SEZ6L: variants seen among roughly 807,000 people sequenced by gnomAD.
The protein encoded by SEZ6L is seizure 6-like protein.
SEZ6L carries 37 observed loss-of-function variants against 106.2 expected under a neutral mutation model. The ratio of observed to expected loss-of-function variants is 0.35; its 90% CI spans 0.27 to 0.46. The LOEUF is 0.46. Among genes scored for constraint, SEZ6L ranks in the 20% least tolerant of loss-of-function variants. SEZ6L has a pLI of 1.00. For synonymous variants in SEZ6L, 541 were observed against 570.4 expected, an observed-to-expected ratio of 0.95 and a Z score of 0.73; for missense variants, 1,172 against 1,332.8, an observed-to-expected ratio of 0.88 and a Z score of 1.88.
At chr22:26,363,786 G>A (rs1158175050) in intron 12 of SEZ6L, among the ~76,000 whole-genome samples, 2 of 152,186 alleles carry the variant, frequency 1.3e-5, no homozygotes, top group East Asian at 3.9e-4. Context: ...ATGGATGAAC[G>A]AAAAACAAAG....
At chr22:26,331,433 T>C (rs2082477479) in intron 9 of SEZ6L, among the ~76,000 whole-genome samples, 1 of 152,196 alleles carries the variant, frequency 6.6e-6, no homozygotes, top group African/African-American at 2.4e-5. Context: ...AACAGCCCCC[T>C]CTCTGGCTCT....
chr22:26,196,411 A>G (rs974144232), intron 1 of SEZ6L, among the ~76,000 whole-genome samples: 2 of 152,228 alleles, frequency 1.3e-5, no homozygotes, highest in Non-Finnish European at 2.9e-5. Context: ...ACGCCCTAAT[A>G]CAATGATCTC....
At chr22:26,324,103 A>ACACACACAAAC (rs1569463232) in intron 9 of SEZ6L, among the ~76,000 whole-genome samples, 1 of 83,304 alleles carries the variant, frequency 1.2e-5, no homozygotes, top group Non-Finnish European at 2.4e-5. Flanking sequence ...CACACACACA[A>ACACACACAAAC]ACACACACAC....
chr22:26,248,658 G>A (rs9625002), intron 1 of SEZ6L, among the ~76,000 whole-genome samples: 2,222 of 152,306 alleles, frequency 0.015, 53 homozygotes, highest in African/African-American at 0.051. Context: ...CTCATGCATC[G>A]AAGATCCTCT....
intron 1 of SEZ6L, among the ~76,000 whole-genome samples, chr22:26,250,815 G>A (rs1486952532): frequency 6.6e-6 from 1 of 151,826 alleles, no homozygotes. Flanking sequence ...CTATTTTTTT[G>A]TGTCCTCTTC....
intron 1 of SEZ6L, among the ~76,000 whole-genome samples, chr22:26,277,436 C>T (rs1321445648): frequency 1.3e-5 from 2 of 152,142 alleles, no homozygotes; most frequent in Non-Finnish European, 2.9e-5. Context: ...TCTGTACGAC[C>T]GTGGCATATG....
At chr22:26,348,426 C>T (rs965011932) in intron 11 of SEZ6L, among the ~76,000 whole-genome samples, 4 of 147,998 alleles carry the variant, frequency 2.7e-5, no homozygotes, top group South Asian at 4.3e-4. Context: ...ATTGCTGGAA[C>T]GCAGGTGTTT....
chr22:26,357,241 G>A lies in SEZ6L; in HGVS notation c.2599+5998G>A, dbSNP rs542734730. ...ATTACAGCCATGCGCCACTGTGCCC[G>A]GCCCTCAGAACTTTTTTTAAAAATC... On this transcript the variant is annotated intron_variant, in intron 12 of 16. Coordinates refer to ENST00000248933, the MANE Select transcript of SEZ6L (RefSeq NM_021115.5). 1.6e-4 allele frequency among the ~76,000 whole-genome samples: 24 copies of A among 152,182 alleles called. No individual in the cohort carries two copies. The East Asian group carries it at 3.9e-3, about 25-fold the overall frequency.
intron 1 of SEZ6L, among the ~76,000 whole-genome samples, chr22:26,252,957 C>G (rs1417177136): frequency 6.6e-6 from 1 of 152,106 alleles, no homozygotes; most frequent in East Asian, 1.9e-4. Flanking sequence ...ATTGCTAGGT[C>G]GAATTGTAGT....
At chr22:26,306,202 C>A (rs2081627120) in intron 6 of SEZ6L, 58 bp downstream of exon 6, 9 of 1,571,976 alleles carry the variant, frequency 5.7e-6, no homozygotes, top group Non-Finnish European at 7.8e-6. Context: ...TAGAACATGG[C>A]TTGAGGACTT....
At position 26,374,298 on chromosome 22, in the gene SEZ6L, GT is replaced by G. The variant is rs2084143851; in HGVS notation, c.2827+820del. 2.0e-5 allele frequency among the ~76,000 whole-genome samples: 3 copies of G among 149,290 alleles called. No individual in the cohort carries two copies. The South Asian group carries it at 6.3e-4, about 31-fold the overall frequency. On this transcript the variant is annotated intron_variant, in intron 14 of 16. Coordinates refer to ENST00000248933, the MANE Select transcript of SEZ6L (RefSeq NM_021115.5). ...TTTAATGTTTTTACCAAATCAAGCA[GT>G]TTTTATTATTCCTGGAGCCATCTTT...
Position 26,361,520 on chromosome 22 carries a change from AATAT to A in SEZ6L, c.2600-3837_2600-3834del, listed in dbSNP as rs71734405. Among the ~76,000 whole-genome samples the A allele has an allele frequency of 5.5e-3, 687 of 124,206 alleles. 17 individuals carry two copies. Among genetic ancestry groups the A allele is most frequent in the Admixed American group, 0.014 (164 of 11,892 alleles). 81.5% of individuals were successfully genotyped at this position (124,206 alleles called of 152,430 possible). ...AGACTCTGTCTCAAAAAAAAAAAAA[AATAT>A]ATATATATATATATGTATTAAGTGA... On this transcript the variant is annotated intron_variant, in intron 12 of 16. Transcript: ENST00000248933.
intron 1 of SEZ6L, among the ~76,000 whole-genome samples, chr22:26,243,178 G>A (rs1478614355): frequency 6.6e-6 from 1 of 152,168 alleles, no homozygotes; most frequent in Non-Finnish European, 1.5e-5. Flanking sequence ...GATTATATCT[G>A]CAATGACTCA....
chr22:26,313,365 G>A (rs181513491), intron 8 of SEZ6L, among the ~76,000 whole-genome samples: 2 of 152,266 alleles, frequency 1.3e-5, no homozygotes, highest in Non-Finnish European at 2.9e-5. Flanking sequence ...TAGCAGCAGA[G>A]GCAAGATTGG....
intron 1 of SEZ6L, among the ~76,000 whole-genome samples, chr22:26,202,075 G>A (rs1363127239): frequency 2.6e-5 from 4 of 151,976 alleles, no homozygotes; most frequent in East Asian, 1.9e-4. Context: ...CATCACGCCC[G>A]GCTAATTTTT....
intron 12 of SEZ6L, among the ~76,000 whole-genome samples, chr22:26,361,148 GCTAAATTATACTGTGCAAT>G (rs976394860): frequency 2.6e-5 from 4 of 152,112 alleles, no homozygotes; most frequent in African/African-American, 9.6e-5. Context: ...TTAGAGTGAG[GCTAAATTATACTGTGCAAT>G]CTAAATAGAA....
chr22:26,322,675 A>T (rs3788382), intron 9 of SEZ6L, among the ~76,000 whole-genome samples: 22,778 of 152,184 alleles, frequency 0.15, 1,918 homozygotes, highest in South Asian at 0.2. Context: ...GAATGCTCTG[A>T]ATCACAGCAT....
chr22:26,288,316 A>G (rs1000080194), intron 1 of SEZ6L, among the ~76,000 whole-genome samples: 1 of 152,228 alleles, frequency 6.6e-6, no homozygotes, highest in Non-Finnish European at 1.5e-5. Flanking sequence ...AAAAGTCACC[A>G]GAGGAGTTTT....
intron 1 of SEZ6L, among the ~76,000 whole-genome samples, chr22:26,192,914 C>T (rs1940331254): frequency 6.6e-6 from 1 of 152,186 alleles, no homozygotes; most frequent in African/African-American, 2.4e-5. Flanking sequence ...TTGCCCTCCA[C>T]CCCTTTAGGT....
Sources: gnomAD v4.1 joint callset for allele counts (sites outside exome capture counted in the v4.1 genomes callset) on GRCh38, gnomAD v4.1.1 for gene constraint, MANE v1.5 for transcripts, NCBI Gene and HGNC (gene_info 2026-07-23, HGNC 2026-07-21) for gene names.